The following MDGA2 variants were observed in gnomAD, a reference collection of about 807,000 sequenced individuals.
MDGA2 encodes MAM domain-containing glycosylphosphatidylinositol anchor protein 2.
In MDGA2, 40 loss-of-function variants were observed where a neutral mutation model predicts 117.8. That is an observed-to-expected ratio of 0.34 (90% CI 0.26 to 0.44). The LOEUF is 0.44. Among genes scored for constraint, MDGA2 ranks in the 20% least tolerant of loss-of-function variants. The pLI, the probability that MDGA2 is intolerant of heterozygous loss-of-function variation, is 1.00. For synonymous variants in MDGA2, 452 were observed against 439.0 expected (o/e 1.03, Z -0.37); for missense variants, 1,123 against 1,250.6 (o/e 0.90, Z 1.54).
At chr14:47,347,402 T>C (rs150505272) in intron 1 of MDGA2, among the ~76,000 whole-genome samples, 1 of 152,282 alleles carries the variant, frequency 6.6e-6, no homozygotes, top group Non-Finnish European at 1.5e-5. Flanking sequence ...AAATGTAACA[T>C]GTTTTGATGG....
intron 1 of MDGA2, among the ~76,000 whole-genome samples, chr14:47,455,813 A>G (rs1893338831): frequency 6.6e-6 from 1 of 152,020 alleles, no homozygotes; most frequent in African/African-American, 2.4e-5. Flanking sequence ...CCTGGACAAC[A>G]TGGTGAAACC....
chr14:47,439,029 C>A (rs1049246281), intron 1 of MDGA2, among the ~76,000 whole-genome samples: 2 of 152,052 alleles, frequency 1.3e-5, no homozygotes, highest in African/African-American at 2.4e-5. Context: ...AAATAATCTG[C>A]AGAATTTATG....
intron 2 of MDGA2, among the ~76,000 whole-genome samples, chr14:47,286,803 TTATATA>T (rs34614614): frequency 2.3e-5 from 3 of 130,036 alleles, no homozygotes; most frequent in Non-Finnish European, 4.6e-5. Context: ...AGGCATATCA[TTATATA>T]TATATATATA....
chr14:47,660,992 A>G (rs1331595096), intron 1 of MDGA2, among the ~76,000 whole-genome samples: 1 of 152,220 alleles, frequency 6.6e-6, no homozygotes, highest in Admixed American at 6.5e-5. Flanking sequence ...ACCATATGGT[A>G]TAAAGTGCTG....
At chr14:47,041,106 G>C (rs1889050293) in intron 7 of MDGA2, among the ~76,000 whole-genome samples, 1 of 152,080 alleles carries the variant, frequency 6.6e-6, no homozygotes, top group Admixed American at 6.6e-5. Context: ...GCTCCTACAA[G>C]TAGCATAATC....
chr14:47,343,265 A>G, intron 1 of MDGA2: 1 of 1,141,100 alleles, frequency 8.8e-7, no homozygotes, highest in African/African-American at 1.6e-5. Context: ...CGGGCATTGT[A>G]TTACATCAGG....
intron 1 of MDGA2, among the ~76,000 whole-genome samples, chr14:47,407,954 G>A (rs1892292561): frequency 6.6e-6 from 1 of 151,738 alleles, no homozygotes; most frequent in African/African-American, 2.4e-5. Flanking sequence ...TCCCAGAGAT[G>A]TCCCTACCCT....
intron 2 of MDGA2, among the ~76,000 whole-genome samples, chr14:47,248,826 T>A (rs1340898187): frequency 2.0e-5 from 3 of 152,064 alleles, no homozygotes; most frequent in Non-Finnish European, 4.4e-5. Flanking sequence ...TGAAAAAAAA[T>A]TCAATTAATG....
intron 1 of MDGA2, among the ~76,000 whole-genome samples, chr14:47,537,574 T>TAAAAAAAAAAAAAAAAAAA: frequency 2.7e-5 from 1 of 36,610 alleles, no homozygotes; most frequent in Non-Finnish European, 5.6e-5. Flanking sequence ...TTCTCTCTGT[T>TAAAAAAAAAAAAAAAAAAA]AAAAAAAAAA....
chr14:47,674,308 C>G (rs1327176579), intron 1 of MDGA2, among the ~76,000 whole-genome samples: 1 of 152,148 alleles, frequency 6.6e-6, no homozygotes, highest in Non-Finnish European at 1.5e-5. Context: ...AACCCAACTC[C>G]GAGCCAGAGC....
At chr14:47,386,361 T>C (rs1025309878) in intron 1 of MDGA2, among the ~76,000 whole-genome samples, 4 of 152,228 alleles carry the variant, frequency 2.6e-5, no homozygotes, top group Non-Finnish European at 5.9e-5. Flanking sequence ...AAACTCATTA[T>C]GGTTAATTTT....
chr14:47,381,646 A>C (rs1185359112), intron 1 of MDGA2, among the ~76,000 whole-genome samples: 1 of 152,158 alleles, frequency 6.6e-6, no homozygotes, highest in South Asian at 2.1e-4. Context: ...TAGGAATCCA[A>C]CTTACAAGGG....
At chr14:47,514,276 G>A (rs1328003811) in intron 1 of MDGA2, among the ~76,000 whole-genome samples, 1 of 151,976 alleles carries the variant, frequency 6.6e-6, no homozygotes, top group East Asian at 1.9e-4. Flanking sequence ...AAAGAGAGAT[G>A]GGCAATGCCC....
chr14:46,907,644 T>C (rs1360707150), intron 10 of MDGA2, among the ~76,000 whole-genome samples: 1 of 152,208 alleles, frequency 6.6e-6, no homozygotes, highest in East Asian at 1.9e-4. Flanking sequence ...TTAGCTGAAT[T>C]ACTTTGTGAC....
intron 3 of MDGA2, among the ~76,000 whole-genome samples, chr14:47,181,931 A>G (rs1884724005): frequency 6.6e-6 from 1 of 152,176 alleles, no homozygotes; most frequent in South Asian, 2.1e-4. Flanking sequence ...ATTCATATTT[A>G]TATTAAAAAG....
rs115761973 is a variant in MDGA2, at chr14:47,313,880, A to C, written c.281-12330T>G. 9.7e-3 allele frequency among the ~76,000 whole-genome samples: 1,479 copies of C among 152,280 alleles called. 30 individuals carry two copies. The highest frequency in any genetic ancestry group is 0.034 in the African/African-American group (1,416 of 41,556). The stretch of plus-strand genomic sequence containing the variant: ...TAACTTTTGGTCCATCTCTAAAAAA[A>C]TTACTGTAAGACGACAAATTGCCAA... On this transcript the variant is annotated intron_variant, in intron 1 of 16. Transcript: ENST00000399232.
At chr14:47,306,466 A>T (rs945708621) in intron 1 of MDGA2, among the ~76,000 whole-genome samples, 3 of 152,046 alleles carry the variant, frequency 2.0e-5, no homozygotes, top group African/African-American at 7.2e-5. Flanking sequence ...TGCTTCCTGA[A>T]AAACGTGCTG....
intron 8 of MDGA2, among the ~76,000 whole-genome samples, chr14:47,000,133 G>C (rs1887450254): frequency 2.0e-5 from 3 of 150,898 alleles, no homozygotes; most frequent in Non-Finnish European, 4.4e-5. Context: ...ATGAATATTA[G>C]TGGTTGCCAT....
At chr14:46,982,240 T>C (rs1361406915) in intron 8 of MDGA2, among the ~76,000 whole-genome samples, 2 of 152,154 alleles carry the variant, frequency 1.3e-5, no homozygotes, top group East Asian at 1.9e-4. Flanking sequence ...AACCGTATAA[T>C]TTATCTTCCA....
Sources: gnomAD v4.1 joint callset for allele counts (sites outside exome capture counted in the v4.1 genomes callset) on GRCh38, gnomAD v4.1.1 for gene constraint, MANE v1.5 for transcripts, NCBI Gene and HGNC (gene_info 2026-07-23, HGNC 2026-07-21) for gene names.